USP42: variants seen among roughly 807,000 people sequenced by gnomAD.
The protein encoded by USP42 is ubiquitin specific peptidase 42, also known as ubiquitin carboxyl-terminal hydrolase 42.
Under a neutral mutation model 113.0 loss-of-function variants are expected in USP42, and 23 were observed. The ratio of observed to expected loss-of-function variants is 0.20; its 90% confidence interval spans 0.15 to 0.29. USP42 has a LOEUF of 0.29. Among genes scored for constraint, USP42 ranks in the 10% least tolerant of loss-of-function variants. USP42 has a pLI of 1.00. For missense variants in USP42, 2,174 were observed against 1,779.8 expected (o/e 1.22, Z -3.99); for synonymous variants, 933 against 699.0 (o/e 1.33, Z -5.28).
At chr7:6,151,752 G>A (rs1381599518) in intron 14 of USP42, among the ~76,000 whole-genome samples, 3 of 152,078 alleles carry the variant, frequency 2.0e-5, no homozygotes, top group African/African-American at 7.2e-5. Context: ...CAGCAGAGTC[G>A]TTTATTGCCA....
rs1781349108 is a variant in USP42 at position 6,139,881 on chromosome 7, C to A, written c.657-247C>A. 3.6e-6 allele frequency: 2 copies of A among 549,562 alleles called. No homozygotes were observed. Among genetic ancestry groups the A allele is most frequent in the South Asian group, 4.2e-5 (2 of 47,170 alleles). 34.0% of individuals were successfully genotyped at this position (549,562 alleles called of 1,614,324 possible). On this transcript the variant is annotated intron_variant, in intron 5 of 17. Coordinates refer to ENST00000306177, the MANE Select transcript of USP42 (RefSeq NM_032172.3). This position sits in a 1 kb window ranked among gnomAD's most constrained non-coding sequence, Gnocchi z 4.5. Reference sequence around the variant, plus strand: ...TCAGGACCAGACTCCTGCCTTGCTTCCCGAGTCCCTTCCTGACAGACACAG... The same window carrying A: ...TCAGGACCAGACTCCTGCCTTGCTTACCGAGTCCCTTCCTGACAGACACAG...
intron 2 of USP42, among the ~76,000 whole-genome samples, chr7:6,112,732 ATTT>A (rs986082145): frequency 6.6e-6 from 1 of 151,072 alleles, no homozygotes; most frequent in Non-Finnish European, 1.5e-5. Context: ...TTTTTTTGAG[ATTT>A]TTTTTTAAGC....
intron 3 of USP42, among the ~76,000 whole-genome samples, chr7:6,130,594 C>T (rs553539530): frequency 1.3e-5 from 2 of 152,282 alleles, no homozygotes; most frequent in East Asian, 3.9e-4. Flanking sequence ...TCAGCCTTCT[C>T]CACCGTTAAC....
chr7:6,121,198 A>G (rs1221929701), intron 3 of USP42, among the ~76,000 whole-genome samples: 1 of 152,164 alleles, frequency 6.6e-6, no homozygotes, highest in African/African-American at 2.4e-5. Flanking sequence ...TAGAGGTGAT[A>G]AGAGTAAAAA....
rs202194940 is a variant in USP42, at chr7:6,156,780, C to G, written c.3668C>G (p.Ala1223Gly). Residue 1223 changes from alanine (A) to glycine (G), a missense_variant, in exon 16 of 18, where the codon GCA (alanine) becomes GGA (glycine). Physicochemically the swap from Ala to Gly is moderately conservative, Grantham distance 60. Transcript: ENST00000306177. ...CATCAGCAGGACTCAGACCTCTCAG[C>G]AGCGTGCTCTGACGCTGACCTCCAC... Reference protein sequence around the residue: ...SRHQQDSDLSAACSDADLHRH... With the variant: ...SRHQQDSDLSGACSDADLHRH... 2 of 1,573,554 alleles carry G rather than the reference C, an allele frequency of 1.3e-6. No homozygotes were observed. The highest frequency in any genetic ancestry group is 1.7e-6 in the Non-Finnish European group (2 of 1,164,550).
intron 14 of USP42, among the ~76,000 whole-genome samples, chr7:6,151,009 A>G (rs1325255914): frequency 6.6e-6 from 1 of 152,262 alleles, no homozygotes; most frequent in Non-Finnish European, 1.5e-5. Flanking sequence ...TGCGGCTCCT[A>G]GGCCACAAAC....
chr7:6,121,614 A>G (rs747585209), intron 3 of USP42, among the ~76,000 whole-genome samples: 2 of 152,168 alleles, frequency 1.3e-5, no homozygotes, highest in Non-Finnish European at 2.9e-5. Context: ...CAGTGAAGCC[A>G]TCTGGACCTT....
rs760083951 is a variant in USP42 at position 6,146,263 on chromosome 7, A to G, written c.1232+15A>G. ...TTTTATATCAGGTATTGTCATGAAA[A>G]CAAATTGCCAGATTTTCTGGTATGT... is the stretch of plus-strand genomic sequence containing the variant. On this transcript the variant is annotated intron_variant, in intron 11 of 17. Transcript: ENST00000306177. 4 of 1,499,080 alleles carry G rather than the reference A, an allele frequency of 2.7e-6. No homozygotes were observed. Among genetic ancestry groups the G allele is most frequent in the Non-Finnish European group, 3.6e-6 (4 of 1,103,946 alleles). The allele number at this position is 1,499,080 out of a possible 1,614,324, so 92.9% of individuals were successfully genotyped here.
rs1363930737 is a variant in USP42 at position 6,147,821 on chromosome 7, C to G, written c.1315C>G (p.Gln439Glu). 6.8e-6 allele frequency: 11 copies of G among 1,613,748 alleles called. No individual in the cohort carries two copies. The highest frequency in any genetic ancestry group is 9.3e-6 in the Non-Finnish European group (11 of 1,179,746). Residue 439 changes from glutamine (Q) to glutamate (E), a missense_variant, in exon 12 of 18, where the codon CAG becomes GAG. Coordinates refer to ENST00000306177, the MANE Select transcript of USP42 (RefSeq NM_032172.3). ...GQSSPRPVIS[Q>E]RVVTNKQAAP... ...GTCCTCTCCCCGCCCCGTCATCAGT[C>G]AGCGGGTTGTCACCAACAAACAGGC...
chr7:6,136,696 A>G (rs894550070), intron 4 of USP42, among the ~76,000 whole-genome samples: 1 of 152,248 alleles, frequency 6.6e-6, no homozygotes. Context: ...TTGTCAAAAT[A>G]AAGTTAATTA....
rs76809407 is a variant in USP42 at position 6,142,102 on chromosome 7, C to T, written c.796-830C>T. 7.7e-4 allele frequency among the ~76,000 whole-genome samples: 117 copies of T among 152,232 alleles called. 1 individual carries two copies. In the East Asian group the frequency reaches 0.02, roughly 26 times the overall value. On this transcript the variant is annotated intron_variant, in intron 7 of 17. Transcript: ENST00000306177. Reference sequence around the variant, plus strand: ...TTTTATGTATTGCTGCAGTGAGCATCCTCTATATTTTTGTTCACTTTAATT... The same window carrying T: ...TTTTATGTATTGCTGCAGTGAGCATTCTCTATATTTTTGTTCACTTTAATT...
the USP42 span, among the ~76,000 whole-genome samples, chr7:6,091,680 TACACACACACAC>T: frequency 7.3e-6 from 1 of 136,076 alleles, no homozygotes; most frequent in African/African-American, 2.9e-5. Flanking sequence ...TATGTTAGCA[TACACACACACAC>T]ACACACACAC....
chr7:6,134,722 A>G (rs1029394585), intron 3 of USP42, among the ~76,000 whole-genome samples: 25 of 152,224 alleles, frequency 1.6e-4, no homozygotes, highest in Non-Finnish European at 1.6e-4. Context: ...GATATGCCAT[A>G]GAGACCACCA....
intron 12 of USP42, 92 bp from the exon 13 acceptor site, chr7:6,149,487 AAAAG>A (rs1583670229): frequency 1.2e-5 from 17 of 1,473,600 alleles, no homozygotes; most frequent in Non-Finnish European, 1.4e-5. Flanking sequence ...GAAAAAAAAA[AAAAG>A]CAAAATGGGA....
the USP42 span, chr7:6,084,460 G>C: frequency 6.6e-6 from 1 of 151,324 alleles, no homozygotes; most frequent in East Asian, 1.9e-4. Flanking sequence ...GACACTAAAG[G>C]ACATCACTCT....
intron 3 of USP42, among the ~76,000 whole-genome samples, chr7:6,130,295 C>T (rs1780781974): frequency 6.6e-6 from 1 of 152,222 alleles, no homozygotes; most frequent in African/African-American, 2.4e-5. Flanking sequence ...CGTTGGCACC[C>T]CAGGTGGGAA....
chr7:6,108,094 G>C (rs936500934), intron 1 of USP42, among the ~76,000 whole-genome samples: 1 of 152,172 alleles, frequency 6.6e-6, no homozygotes, highest in Non-Finnish European at 1.5e-5. Context: ...TGAGGCAAGA[G>C]AATCACTTGA....
the USP42 span, chr7:6,084,820 G>T: frequency 6.7e-6 from 1 of 150,334 alleles, no homozygotes; most frequent in East Asian, 1.9e-4. Flanking sequence ...CCGGGTTCAA[G>T]TGAGTCTCCT....
At position 6,115,306 on chromosome 7, in the gene USP42, CTTGT is replaced by C. The variant is rs1198218895; in HGVS notation, c.242-14_242-11del. 2.5e-6 allele frequency: 4 copies of C among 1,612,654 alleles called. No individual in the cohort carries two copies. Among genetic ancestry groups the C allele is most frequent in the Non-Finnish European group, 2.5e-6 (3 of 1,179,412 alleles). On this transcript the variant is annotated splice_polypyrimidine_tract_variant and intron_variant, in intron 2 of 17. Coordinates refer to ENST00000306177, the MANE Select transcript of USP42 (RefSeq NM_032172.3). ...TGCAAAGCTTGGTTTCTGACTCTTT[CTTGT>C]TTATTTTTCTAGCCCTAGGTGATGG... is the stretch of plus-strand genomic sequence containing the variant.
Sources: gnomAD v4.1 joint callset for allele counts (sites outside exome capture counted in the v4.1 genomes callset) on GRCh38, gnomAD v4.1.1 for gene constraint, Gnocchi (gnomAD v3.1) non-coding constraint, MANE v1.5 for transcripts, NCBI Gene and HGNC (gene_info 2026-07-23, HGNC 2026-07-21) for gene names.